The following NKX1-2 variants were observed in gnomAD, a reference collection of about 807,000 sequenced individuals.
NKX1-2 encodes the protein NK1 transcription factor-related protein 2.
In NKX1-2, 1 loss-of-function variant was observed where a neutral mutation model predicts 4.4. That is an observed-to-expected ratio of 0.23 (90% CI 0.08 to 1.08). The LOEUF is 1.08. Among genes scored for constraint, NKX1-2 ranks in the 50% least tolerant of loss-of-function variants. The pLI, the probability that NKX1-2 is intolerant of heterozygous loss-of-function variation, is 0.55. For synonymous variants in NKX1-2, 235 were observed against 228.0 expected (o/e 1.03, Z -0.28); for missense variants, 503 against 464.6 (o/e 1.08, Z -0.76).
chr10:124,448,222 C>T lies in NKX1-2; in HGVS notation c.215-75G>A. 1.5e-6 allele frequency: 2 copies of T among 1,357,036 alleles called. No homozygotes were observed. The highest frequency in any genetic ancestry group is 1.9e-6 in the Non-Finnish European group (2 of 1,059,136). The allele number at this position is 1,357,036 out of a possible 1,614,324, so 84.1% of individuals were successfully genotyped here. A position where few individuals can be genotyped will look rare whatever the true frequency, so the allele number is the denominator to read the frequency against. On this transcript the variant is annotated intron_variant, in intron 1 of 1. Transcript: ENST00000451024. This position sits in a 1 kb window ranked among gnomAD's most constrained non-coding sequence, Gnocchi z 4.1. Reference sequence around the variant, plus strand: ...TCGTCCTCGTCCTCCCTAGAGCAAGCAGCTGTCCCCCCAACCCAACTCTGG... The same window carrying T: ...TCGTCCTCGTCCTCCCTAGAGCAAGTAGCTGTCCCCCCAACCCAACTCTGG...
chr10:124,449,539 G>T lies in NKX1-2; in HGVS notation c.214+191C>A, dbSNP rs577341689. The T allele has an allele frequency of 5.3e-5, 37 of 701,550 alleles. No homozygotes were observed. The East Asian group carries it at 9.7e-4, about 18-fold the overall frequency. The allele number at this position is 701,550 out of a possible 1,614,324, so 43.5% of individuals were successfully genotyped here. ...CAGGGATGCGGCAAATCCCTGCCCT[G>T]TAATGCGGGGAGCCTCCTCTCTGCC... On this transcript the variant is annotated intron_variant, in intron 1 of 1. Transcript: ENST00000451024. This position sits in a 1 kb window ranked among gnomAD's most constrained non-coding sequence, Gnocchi z 7.5.
Position 124,448,350 on chromosome 10 carries a change from A to G in NKX1-2, c.215-203T>C. ...TCCTCTTGCCCTTTACAAATCTGCC[A>G]TCAAGTAGGCGTCCAAGAAATGTAC... is the stretch of plus-strand genomic sequence containing the variant. On this transcript the variant is annotated intron_variant, in intron 1 of 1. Transcript: ENST00000451024. This position sits in a 1 kb window ranked among gnomAD's most constrained non-coding sequence, Gnocchi z 4.1. The G allele has an allele frequency of 1.3e-6, 1 of 759,096 alleles. No individual in the cohort carries two copies. Among genetic ancestry groups the G allele is most frequent in the East Asian group, 3.4e-5 (1 of 29,478 alleles). 47.0% of individuals were successfully genotyped at this position (759,096 alleles called of 1,614,324 possible).
At position 124,447,774 on chromosome 10, in the gene NKX1-2, G is replaced by A; in HGVS notation, c.588C>T (p.Leu196=). The change falls in exon 2 of 2, where the codon CTC becomes CTT. Residue 196 remains leucine, a synonymous_variant. Coordinates refer to ENST00000451024, the MANE Select transcript of NKX1-2 (RefSeq NM_001146340.3). ...TCTCGGTGAGGCTGAGAGACAGCGC[G>A]AGGTTCAGGCGCTCGCACACTGACA... is the stretch of plus-strand genomic sequence containing the variant. ...RYLSVCERLN[L]ALSLSLTETQ... 6.8e-7 allele frequency: 1 copy of A among 1,480,832 alleles called. No homozygotes were observed. The highest frequency in any genetic ancestry group is 9.0e-7 in the Non-Finnish European group (1 of 1,109,410). 91.7% of individuals were successfully genotyped at this position (1,480,832 alleles called of 1,614,324 possible). A position where few individuals can be genotyped will look rare whatever the true frequency, so the allele number is the denominator to read the frequency against.
rs1407870001 is a variant in NKX1-2, at chr10:124,447,636, C to G, written c.726G>C (p.Gly242=). Residue 242 remains glycine (G), a synonymous_variant, in exon 2 of 2, where the codon GGG becomes GGC. Transcript: ENST00000451024. The part of the protein sequence containing the change: ...GGGAPQPGAA[G]GGGGGGSGGS... ...CCCCCGAGCCGCCGCCGCCGCCGCC[C>G]CCCGCCGCCCCTGGCTGGGGCGCGC... 7.8e-7 allele frequency: 1 copy of G among 1,290,184 alleles called. No individual in the cohort carries two copies. Among genetic ancestry groups the G allele is most frequent in the South Asian group, 3.3e-5 (1 of 30,634 alleles). The allele number at this position is 1,290,184 out of a possible 1,614,324, so 79.9% of individuals were successfully genotyped here. A position where few individuals can be genotyped will look rare whatever the true frequency, so the allele number is the denominator to read the frequency against.
Position 124,448,086 on chromosome 10 carries a change from C to G in NKX1-2, c.276G>C (p.Glu92Asp). ...SPLEGSEAEE[E>D]EDAEDPRRPR... ...GCCTCCTCGGATCCTCCGCATCCTC[C>G]TCCTCTTCCGCCTCGGAACCCTCCA... The change falls in exon 2 of 2, where the codon GAG becomes GAC. Residue 92 changes from glutamate to aspartate, a missense_variant. Coordinates refer to ENST00000451024, the MANE Select transcript of NKX1-2 (RefSeq NM_001146340.3). The surrounding 1 kb of genome is among the most constrained non-coding windows in gnomAD (Gnocchi z 4.1). 6.6e-7 allele frequency: 1 copy of G among 1,521,494 alleles called. No individual in the cohort carries two copies. The highest frequency in any genetic ancestry group is 2.6e-5 in the East Asian group (1 of 38,218). 94.2% of individuals were successfully genotyped at this position (1,521,494 alleles called of 1,614,324 possible). A position where few individuals can be genotyped will look rare whatever the true frequency, so the allele number is the denominator to read the frequency against.
In NKX1-2 at chr10:124,449,547, G is replaced by A; in HGVS notation, c.214+183C>T. ...CGGCAAATCCCTGCCCTGTAATGCG[G>A]GGAGCCTCCTCTCTGCCTCTATCCA... On this transcript the variant is annotated intron_variant, in intron 1 of 1. Coordinates refer to ENST00000451024, the MANE Select transcript of NKX1-2 (RefSeq NM_001146340.3). The surrounding 1 kb of genome is among the most constrained non-coding windows in gnomAD (Gnocchi z 7.5). The A allele has an allele frequency of 2.8e-6, 2 of 702,538 alleles. No individual in the cohort carries two copies. The highest frequency in any genetic ancestry group is 2.7e-5 in the East Asian group (1 of 37,216). 43.5% of individuals were successfully genotyped at this position (702,538 alleles called of 1,614,324 possible).
At position 124,448,637 on chromosome 10, in the gene NKX1-2, AAT is replaced by A. The variant is rs1038565184; in HGVS notation, c.215-492_215-491del. ...CCCATCTTCTCTCTCCCGCCGTGTTAATAGAGTTTCAGATTTGTGCGGGGCCG... is the reference window on the plus strand; with the variant it reads ...CCCATCTTCTCTCTCCCGCCGTGTTAAGAGTTTCAGATTTGTGCGGGGCCG... On this transcript the variant is annotated intron_variant, in intron 1 of 1. Coordinates refer to ENST00000451024, the MANE Select transcript of NKX1-2 (RefSeq NM_001146340.3). The surrounding 1 kb of genome is among the most constrained non-coding windows in gnomAD (Gnocchi z 4.1). 6.6e-6 allele frequency: 1 copy of A among 150,828 alleles called. No individual in the cohort carries two copies. The highest frequency in any genetic ancestry group is 2.5e-5 in the African/African-American group (1 of 40,682). The allele number at this position is 150,828 out of a possible 1,614,324, so 9.3% of individuals were successfully genotyped here.
At position 124,449,383 on chromosome 10, in the gene NKX1-2, C is replaced by T; in HGVS notation, c.214+347G>A. 1 of 550,924 alleles carries T rather than the reference C, an allele frequency of 1.8e-6. No individual in the cohort carries two copies. Among genetic ancestry groups the T allele is most frequent in the South Asian group, 1.5e-5 (1 of 65,436 alleles). The allele number at this position is 550,924 out of a possible 1,614,324, so 34.1% of individuals were successfully genotyped here. ...AGTTTTCATCACCTTTATCCCAGCCCTTAGCCCAGGTCCTAGCACGTGGCA... is the reference window on the plus strand; with the variant it reads ...AGTTTTCATCACCTTTATCCCAGCCTTTAGCCCAGGTCCTAGCACGTGGCA... On this transcript the variant is annotated intron_variant, in intron 1 of 1. Transcript: ENST00000451024. This position sits in a 1 kb window ranked among gnomAD's most constrained non-coding sequence, Gnocchi z 7.5.
At position 124,447,769 on chromosome 10, in the gene NKX1-2, A is replaced by G. The variant is rs1270343448; in HGVS notation, c.593T>C (p.Leu198Pro). The change falls in exon 2 of 2, where the codon CTG (leucine) becomes CCG (proline). Residue 198 changes from leucine (L) to proline (P), a missense_variant. By Grantham distance (98) the Leu-to-Pro change is moderately conservative (BLOSUM62 -3). Transcript: ENST00000451024. ...CTGCGTCTCGGTGAGGCTGAGAGAC[A>G]GCGCGAGGTTCAGGCGCTCGCACAC... ...LSVCERLNLA[L>P]SLSLTETQVK... The G allele has an allele frequency of 6.8e-7, 1 of 1,480,846 alleles. No individual in the cohort carries two copies. Among genetic ancestry groups the G allele is most frequent in the Non-Finnish European group, 9.0e-7 (1 of 1,109,354 alleles). 91.7% of individuals were successfully genotyped at this position (1,480,846 alleles called of 1,614,324 possible).
At position 124,447,674 on chromosome 10, in the gene NKX1-2, G is replaced by T; in HGVS notation, c.688C>A (p.Gln230Lys). ...KQNPGADGAAQVGGGAPQPGA... is the reference protein window; with the variant it reads ...KQNPGADGAAKVGGGAPQPGA... ...GGCTGGGGCGCGCCACCCCCCACCT[G>T]CGCCGCGCCGTCGGCACCCGGGTTC... is the stretch of plus-strand genomic sequence containing the variant. The change falls in exon 2 of 2, where the codon CAG (glutamine) becomes AAG (lysine). Residue 230 changes from glutamine to lysine, a missense_variant. By Grantham distance (53) the Gln-to-Lys change is moderately conservative. Transcript: ENST00000451024. 7.1e-7 allele frequency: 1 copy of T among 1,405,822 alleles called. No individual in the cohort carries two copies. The highest frequency in any genetic ancestry group is 9.4e-7 in the Non-Finnish European group (1 of 1,068,458). 87.1% of individuals were successfully genotyped at this position (1,405,822 alleles called of 1,614,324 possible). A position where few individuals can be genotyped will look rare whatever the true frequency, so the allele number is the denominator to read the frequency against.
At position 124,446,464 on chromosome 10, in the gene NKX1-2, T is replaced by A. The variant is rs1327201952; in HGVS notation, c.*965A>T. 6.6e-6 allele frequency: 1 copy of A among 152,238 alleles called. No individual in the cohort carries two copies. The highest frequency in any genetic ancestry group is 2.4e-5 in the African/African-American group (1 of 41,462). 9.4% of individuals were successfully genotyped at this position (152,238 alleles called of 1,614,324 possible). A position where few individuals can be genotyped will look rare whatever the true frequency, so the allele number is the denominator to read the frequency against. On this transcript the variant is annotated 3_prime_UTR_variant, in exon 2 of 2. Coordinates refer to ENST00000451024, the MANE Select transcript of NKX1-2 (RefSeq NM_001146340.3). ...TGTAGTGTGTGCTGATGGAGCTAGC[T>A]CTTCCCCATCCTGGCTCACTATTGG...
In NKX1-2 at chr10:124,448,026, C is replaced by G. The variant is rs910754477; in HGVS notation, c.336G>C (p.Pro112=). Residue 112 remains proline (P), a synonymous_variant, in exon 2 of 2, where the codon CCG becomes CCC. Coordinates refer to ENST00000451024, the MANE Select transcript of NKX1-2 (RefSeq NM_001146340.3). The surrounding 1 kb of genome is among the most constrained non-coding windows in gnomAD (Gnocchi z 4.1). ...RLRERAARLL[P]GLARSPDAPA... is the part of the protein sequence containing the mutation. ...GGGCGTCAGGTGAGCGCGCTAGGCC[C>G]GGCAGCAAGCGCGCAGCCCGCTCCC... 7.9e-6 allele frequency: 12 copies of G among 1,514,854 alleles called. No individual in the cohort carries two copies. The South Asian group carries it at 1.1e-4, about 14-fold the overall frequency. The allele number at this position is 1,514,854 out of a possible 1,614,324, so 93.8% of individuals were successfully genotyped here. A position where few individuals can be genotyped will look rare whatever the true frequency, so the allele number is the denominator to read the frequency against.
Position 124,448,334 on chromosome 10 carries a change from C to T in NKX1-2, c.215-187G>A, listed in dbSNP as rs1256800291. On this transcript the variant is annotated intron_variant, in intron 1 of 1. Coordinates refer to ENST00000451024, the MANE Select transcript of NKX1-2 (RefSeq NM_001146340.3). The surrounding 1 kb of genome is among the most constrained non-coding windows in gnomAD (Gnocchi z 4.1). ...GTTTAGGGGAATGGTGTCCTCTTGC[C>T]CTTTACAAATCTGCCATCAAGTAGG... The T allele has an allele frequency of 1.0e-6, 1 of 976,728 alleles. No individual in the cohort carries two copies. Among genetic ancestry groups the T allele is most frequent in the Non-Finnish European group, 1.3e-6 (1 of 751,244 alleles). The allele number at this position is 976,728 out of a possible 1,614,324, so 60.5% of individuals were successfully genotyped here. A position where few individuals can be genotyped will look rare whatever the true frequency, so the allele number is the denominator to read the frequency against.
In NKX1-2 at chr10:124,445,332, AG is replaced by A. The variant is rs1952229536; in HGVS notation, c.*2096del. 1 of 152,252 alleles carries A rather than the reference AG, an allele frequency of 6.6e-6. No homozygotes were observed. The allele number at this position is 152,252 out of a possible 1,614,324, so 9.4% of individuals were successfully genotyped here. ...AAGCCACTGGGCCTTTTAAAGCAGCAGAAGTCCAAAGTCACACGCTTCAAGC... is the reference window on the plus strand; with the variant it reads ...AAGCCACTGGGCCTTTTAAAGCAGCAAAGTCCAAAGTCACACGCTTCAAGC... On this transcript the variant is annotated 3_prime_UTR_variant, in exon 2 of 2. Transcript: ENST00000451024.
Position 124,447,472 on chromosome 10 carries a change from A to G in NKX1-2, c.890T>C (p.Leu297Pro). Residue 297 changes from leucine (L) to proline (P), a missense_variant, in exon 2 of 2, where the codon CTT becomes CCT. By Grantham distance (98) the Leu-to-Pro change is moderately conservative. Transcript: ENST00000451024. Reference sequence around the variant, plus strand: ...GAAGGGGGTCAGGTAGGAAGGCCCAAGGAACGGCGCGAAAGGGCTCCCGGG... The same window carrying G: ...GAAGGGGGTCAGGTAGGAAGGCCCAGGGAACGGCGCGAAAGGGCTCCCGGG... ...AAPGSPFAPF[L>P]GPSYLTPFYA... 1 of 1,267,732 alleles carries G rather than the reference A, an allele frequency of 7.9e-7. No homozygotes were observed. Among genetic ancestry groups the G allele is most frequent in the Non-Finnish European group, 1.0e-6 (1 of 1,001,786 alleles). 78.5% of individuals were successfully genotyped at this position (1,267,732 alleles called of 1,614,324 possible). A position where few individuals can be genotyped will look rare whatever the true frequency, so the allele number is the denominator to read the frequency against.
rs1394197027 is a variant in NKX1-2, at chr10:124,446,269, C to A, written c.*1160G>T. 6.6e-6 allele frequency: 1 copy of A among 152,204 alleles called. No homozygotes were observed. Among genetic ancestry groups the A allele is most frequent in the African/African-American group, 2.4e-5 (1 of 41,434 alleles). 9.4% of individuals were successfully genotyped at this position (152,204 alleles called of 1,614,324 possible). On this transcript the variant is annotated 3_prime_UTR_variant, in exon 2 of 2. Transcript: ENST00000451024. ...GGAGGTGAATCCATTAGGAATATGA[C>A]GGCTCTTCACACCCAAGTATTGCTT...
At position 124,445,797 on chromosome 10, in the gene NKX1-2, A is replaced by G. The variant is rs1415632302; in HGVS notation, c.*1632T>C. ...AAGTAATTAAATAATACATACTATC[A>G]AATATTATGAGAGTCACATGAACCA... On this transcript the variant is annotated 3_prime_UTR_variant, in exon 2 of 2. Coordinates refer to ENST00000451024, the MANE Select transcript of NKX1-2 (RefSeq NM_001146340.3). 1.2e-4 allele frequency: 18 copies of G among 152,224 alleles called. No individual in the cohort carries two copies. The highest frequency in any genetic ancestry group is 3.6e-4 in the African/African-American group (15 of 41,462). The allele number at this position is 152,224 out of a possible 1,614,324, so 9.4% of individuals were successfully genotyped here.
chr10:124,449,911 C>A lies in NKX1-2; in HGVS notation c.33G>T (p.Ala11=), dbSNP rs992550296. The change falls in exon 1 of 2, where the codon GCG becomes GCT. Residue 11 remains alanine, a synonymous_variant. Transcript: ENST00000451024. The surrounding 1 kb of genome is among the most constrained non-coding windows in gnomAD (Gnocchi z 7.5). MLAWQDGGAK[A]APSHHKISFS... ...AAGAAATCTTGTGGTGGGAGGGAGC[C>A]GCCTTGGCCCCGCCGTCCTGCCATG... 12 of 1,547,740 alleles carry A rather than the reference C, an allele frequency of 7.8e-6. No homozygotes were observed. Among genetic ancestry groups the A allele is most frequent in the Non-Finnish European group, 1.0e-5 (12 of 1,144,184 alleles).
At position 124,448,055 on chromosome 10, in the gene NKX1-2, G is replaced by GCCGCGGCCTCCTCGGATCCT. The variant is rs934200041; in HGVS notation, c.287_306dup (p.Leu103ArgfsTer19). 207 of 1,520,674 alleles carry GCCGCGGCCTCCTCGGATCCT rather than the reference G, an allele frequency of 1.4e-4. No homozygotes were observed. The highest frequency in any genetic ancestry group is 1.7e-4 in the Non-Finnish European group (195 of 1,139,568). The allele number at this position is 1,520,674 out of a possible 1,614,324, so 94.2% of individuals were successfully genotyped here. A position where few individuals can be genotyped will look rare whatever the true frequency, so the allele number is the denominator to read the frequency against. On this transcript the variant is annotated frameshift_variant, in exon 2 of 2. Transcript: ENST00000451024. LOFTEE classifies it low-confidence loss of function (END_TRUNC). The surrounding 1 kb of genome is among the most constrained non-coding windows in gnomAD (Gnocchi z 4.1). Reference sequence around the variant, plus strand: ...AGCAAGCGCGCAGCCCGCTCCCGCAGCCGCGGCCTCCTCGGATCCTCCGCA... The same window carrying GCCGCGGCCTCCTCGGATCCT: ...AGCAAGCGCGCAGCCCGCTCCCGCAGCCGCGGCCTCCTCGGATCCTCCGCGGCCTCCTCGGATCCTCCGCA...
Sources: gnomAD v4.1 joint callset for allele counts on GRCh38, gnomAD v4.1.1 for gene constraint, Gnocchi (gnomAD v3.1) non-coding constraint, MANE v1.5 for transcripts, NCBI Gene and HGNC (gene_info 2026-07-23, HGNC 2026-07-21) for gene names.